COQ2: variants seen among roughly 807,000 people sequenced by gnomAD.
The protein encoded by COQ2 is coenzyme Q2, polyprenyltransferase.
A neutral mutation model predicts 35.7 loss-of-function variants in COQ2; 25 were observed. The observed-to-expected ratio is 0.70, with a 90% CI of 0.51 to 0.98. COQ2 has a LOEUF of 0.98. Ranked by LOEUF, COQ2 falls within the 50% of genes least tolerant of loss-of-function variation. COQ2 has a pLI of 0.00. For synonymous variants in COQ2, 206 were observed against 186.2 expected, an observed-to-expected ratio of 1.11 and a Z score of -0.86; for missense variants, 488 against 473.5, an observed-to-expected ratio of 1.03 and a Z score of -0.28.
intron 2 of COQ2, among the ~76,000 whole-genome samples, chr4:83,274,398 T>C (rs539421188): frequency 6.6e-6 from 1 of 152,268 alleles, no homozygotes; most frequent in South Asian, 2.1e-4. Flanking sequence ...TTTTACCATA[T>C]TGGCCAAGCT....
rs559162524 is a variant in COQ2, at chr4:83,276,182, T to C, written c.421-2565A>G. ...AGAAAGTGTGTATCTCATATGTTTG[T>C]TGGTTGCTTGTATGTCTTCTTTTGA... On this transcript the variant is annotated intron_variant, in intron 2 of 6. Coordinates refer to ENST00000647002, the MANE Select transcript of COQ2 (RefSeq NM_001358921.2). Among the ~76,000 whole-genome samples the C allele has an allele frequency of 4.9e-4, 74 of 151,356 alleles. No individual in the cohort carries two copies. The South Asian group carries it at 7.3e-3, about 15-fold the overall frequency.
At chr4:83,284,028 G>A (rs943314643) in intron 1 of COQ2, 3 of 985,318 alleles carry the variant, frequency 3.0e-6, no homozygotes, top group Admixed American at 6.1e-5. Flanking sequence ...TGGCTCTGAC[G>A]AGGAGCCTTA....
At chr4:83,276,040 TA>T (rs202159708) in intron 2 of COQ2, among the ~76,000 whole-genome samples, 1 of 20,662 alleles carries the variant, frequency 4.8e-5, no homozygotes, top group Non-Finnish European at 2.0e-4. Context: ...ATATAATATA[TA>T]AAATATATAT....
At chr4:83,282,221 A>G (rs1278372685) in intron 1 of COQ2, among the ~76,000 whole-genome samples, 1 of 152,208 alleles carries the variant, frequency 6.6e-6, no homozygotes, top group Non-Finnish European at 1.5e-5. Flanking sequence ...AATTTGGTGG[A>G]AAGAGTGCCA....
intron 4 of COQ2, among the ~76,000 whole-genome samples, chr4:83,271,125 T>C (rs1735037878): frequency 1.3e-5 from 2 of 152,196 alleles, no homozygotes; most frequent in African/African-American, 2.4e-5. Flanking sequence ...GGAATAGATA[T>C]TTTTGCAGCA....
intron 2 of COQ2, among the ~76,000 whole-genome samples, chr4:83,276,041 AAAATATATATTATATATAATATATATTTT>A (rs11269396): frequency 0.65 from 90,459 of 139,508 alleles, 29,839 homozygotes; most frequent in East Asian, 0.86. Context: ...TATAATATAT[AAAATATATATTATATATAATATATATTTT>A]ATATATAATA....
chr4:83,273,479 G>C lies in COQ2; in HGVS notation c.542+17C>G, dbSNP rs1735095578. The C allele has an allele frequency of 6.3e-7, 1 of 1,596,604 alleles. No homozygotes were observed. The highest frequency in any genetic ancestry group is 8.5e-7 in the Non-Finnish European group (1 of 1,173,278). ...AAGGAGAGATTTTATACATGATGTG[G>C]AAAACGTTTAATATACCTGTAGTAA... On this transcript the variant is annotated intron_variant, in intron 3 of 6. Coordinates refer to ENST00000647002, the MANE Select transcript of COQ2 (RefSeq NM_001358921.2).
chr4:83,282,049 A>C (rs1473614277), intron 1 of COQ2, among the ~76,000 whole-genome samples: 1 of 152,212 alleles, frequency 6.6e-6, no homozygotes, highest in Non-Finnish European at 1.5e-5. Context: ...ACAAGAGACA[A>C]GTAGATTGCA....
Position 83,264,316 on chromosome 4 carries a change from A to G in COQ2, c.999T>C (p.Phe333=), listed in dbSNP as rs1453396874. ...IHRPEDCWNK[F]ISNRTLGLIV... ...TTAGTCCCAGTGTTCGGTTGGAGATAAATTTATTCCAACAATCCTCAGGTC... is the reference window on the plus strand; with the variant it reads ...TTAGTCCCAGTGTTCGGTTGGAGATGAATTTATTCCAACAATCCTCAGGTC... Residue 333 remains phenylalanine, a synonymous_variant, in exon 7 of 7, where the codon TTT becomes TTC. Transcript: ENST00000647002. 19 of 1,612,726 alleles carry G rather than the reference A, an allele frequency of 1.2e-5. No individual in the cohort carries two copies. Among genetic ancestry groups the G allele is most frequent in the Non-Finnish European group, 1.6e-5 (19 of 1,179,484 alleles).
chr4:83,267,685 A>C lies in COQ2; in HGVS notation c.852T>G (p.Val284=). The part of the protein sequence containing the change: ...NTKPWLSGFS[V]AMLGALSLVG... ...CTAGGCTCAGTGCCCCCAGCATTGC[A>C]ACACTGAAGCCGCTGAGCCACGGCT... Residue 284 remains valine (V), a synonymous_variant, in exon 6 of 7, where the codon GTT becomes GTG. Coordinates refer to ENST00000647002, the MANE Select transcript of COQ2 (RefSeq NM_001358921.2). 1.3e-6 allele frequency: 2 copies of C among 1,562,104 alleles called. No individual in the cohort carries two copies. The highest frequency in any genetic ancestry group is 2.4e-5 in the South Asian group (2 of 84,626).
rs1560494750 is a variant in COQ2 at position 83,276,050 on chromosome 4, ATTATATATAATATATATTTT to A, written c.421-2453_421-2434del. On this transcript the variant is annotated intron_variant, in intron 2 of 6. Transcript: ENST00000647002. ...TTTTTATATAATATATAAAATATAT[ATTATATATAATATATATTTT>A]ATATATAATATATATATACATATTC... is the stretch of plus-strand genomic sequence containing the variant. 2.8e-3 allele frequency among the ~76,000 whole-genome samples: 41 copies of A among 14,422 alleles called. No homozygotes were observed. The South Asian group carries it at 0.045, about 16-fold the overall frequency. The allele number at this position is 14,422 out of a possible 152,430, so 9.5% of individuals were successfully genotyped here. A position where few individuals can be genotyped will look rare whatever the true frequency, so the allele number is the denominator to read the frequency against.
At chr4:83,265,326 T>C (rs1221805780) in intron 6 of COQ2, among the ~76,000 whole-genome samples, 4 of 152,172 alleles carry the variant, frequency 2.6e-5, no homozygotes, top group Middle Eastern at 3.4e-3. Flanking sequence ...TCCCAGCACT[T>C]TGGGAGGCTG....
intron 6 of COQ2, among the ~76,000 whole-genome samples, chr4:83,264,602 AC>A (rs1377659605): frequency 1.3e-5 from 2 of 152,038 alleles, no homozygotes; most frequent in African/African-American, 4.8e-5. Context: ...ACCCTACTGC[AC>A]CCTCCTAGCC....
intron 4 of COQ2, 34 bp downstream of exon 4, chr4:83,272,053 T>C (rs1316468480): frequency 1.1e-5 from 15 of 1,387,626 alleles, no homozygotes; most frequent in Non-Finnish European, 1.5e-5. Flanking sequence ...TTTGCAAATA[T>C]CAAAGGAAAT....
intron 2 of COQ2, among the ~76,000 whole-genome samples, chr4:83,274,866 T>C (rs533916878): frequency 6.6e-6 from 1 of 152,346 alleles, no homozygotes; most frequent in East Asian, 1.9e-4. Flanking sequence ...CTATTTTCTG[T>C]TTTCCAGATG....
intron 1 of COQ2, 189 bp downstream of exon 1, chr4:83,284,323 C>T: frequency 2.0e-6 from 2 of 985,194 alleles, no homozygotes; most frequent in Non-Finnish European, 1.2e-6. Context: ...CAAGCTCAAG[C>T]TTTCAGGCTC....
chr4:83,276,268 G>C (rs1054661992), intron 2 of COQ2, among the ~76,000 whole-genome samples: 1 of 151,572 alleles, frequency 6.6e-6, no homozygotes, highest in African/African-American at 2.4e-5. Context: ...CTTGTTGTTT[G>C]AGCTCCTTGT....
chr4:83,280,594 A>G (rs1188452098), intron 1 of COQ2, among the ~76,000 whole-genome samples: 3 of 152,262 alleles, frequency 2.0e-5, no homozygotes, highest in Admixed American at 6.5e-5. Context: ...TAAATAAGCA[A>G]TAACAATAAA....
At position 83,284,670 on chromosome 4, in the gene COQ2, G is replaced by A. The variant is rs1177367806; in HGVS notation, c.95C>T (p.Ala32Val). Residue 32 changes from alanine to valine, a missense_variant, in exon 1 of 7, where the codon GCG (alanine) becomes GTG (valine). Physicochemically the swap from Ala to Val is moderately conservative, Grantham distance 64. Transcript: ENST00000647002. ...ACCGTGGGGCGCGCCTGCCGCACGC[G>A]CCAGGGCGAAGGAGCGGCCCCGCCA... ...PGWRGRSFAL[A>V]RAAGAPHGGD... 2 of 1,466,730 alleles carry A rather than the reference G, an allele frequency of 1.4e-6. No individual in the cohort carries two copies. Among genetic ancestry groups the A allele is most frequent in the East Asian group, 2.9e-5 (1 of 34,580 alleles). 90.9% of individuals were successfully genotyped at this position (1,466,730 alleles called of 1,614,324 possible).
Sources: gnomAD v4.1 joint callset for allele counts (sites outside exome capture counted in the v4.1 genomes callset) on GRCh38, gnomAD v4.1.1 for gene constraint, MANE v1.5 for transcripts, NCBI Gene and HGNC (gene_info 2026-07-23, HGNC 2026-07-21) for gene names.